The following ELP4 variants were observed in gnomAD, a reference collection of about 807,000 sequenced individuals.
The protein encoded by ELP4 is elongator acetyltransferase complex subunit 4.
A neutral mutation model predicts 48.9 loss-of-function variants in ELP4; 51 were observed. The ratio of observed to expected loss-of-function variants is 1.04; its 90% confidence interval spans 0.83 to 1.32. The LOEUF (loss-of-function observed/expected upper bound fraction) is 1.32. ELP4 is among the 40% of genes most tolerant of loss of function. The pLI, the probability that ELP4 is intolerant of heterozygous loss-of-function variation, is 0.00. For synonymous variants in ELP4, 210 were observed against 189.2 expected, an observed-to-expected ratio of 1.11 and a Z score of -0.90; for missense variants, 519 against 514.6, an observed-to-expected ratio of 1.01 and a Z score of -0.08.
At chr11:31,572,171 A>T (rs1957202633) in intron 3 of ELP4, among the ~76,000 whole-genome samples, 1 of 152,208 alleles carries the variant, frequency 6.6e-6, no homozygotes, top group African/African-American at 2.4e-5. Flanking sequence ...ACTTAGCTAG[A>T]TCTTCTGGAT....
chr11:31,639,377 A>T (rs1945042128), intron 7 of ELP4, among the ~76,000 whole-genome samples: 1 of 151,910 alleles, frequency 6.6e-6, no homozygotes, highest in African/African-American at 2.4e-5. Flanking sequence ...TGTAAACAGA[A>T]TCTGTTTTTC....
At chr11:31,529,386 C>A (rs926113848) in intron 2 of ELP4, among the ~76,000 whole-genome samples, 2 of 152,112 alleles carry the variant, frequency 1.3e-5, no homozygotes, top group Non-Finnish European at 2.9e-5. Flanking sequence ...TCTCCACCAC[C>A]GTCACTGCTG....
At chr11:31,714,127 C>T (rs1013071467) in intron 9 of ELP4, among the ~76,000 whole-genome samples, 1 of 152,018 alleles carries the variant, frequency 6.6e-6, no homozygotes, top group African/African-American at 2.4e-5. Flanking sequence ...GGATGTAAAA[C>T]TGCTTAAGTC....
chr11:31,754,332 T>C lies in ELP4; in HGVS notation c.1144-29061T>C, dbSNP rs185505751. 7.0e-4 allele frequency among the ~76,000 whole-genome samples: 107 copies of C among 152,276 alleles called. 1 individual carries two copies. The highest frequency in any genetic ancestry group is 2.4e-3 in the African/African-American group (100 of 41,560). ...TATTTACTCTGACTTACAAAGCTCC[T>C]GTCTACTCTCACAACTCATTCCCTA... On this transcript the variant is annotated intron_variant, in intron 9 of 9. Coordinates refer to ENST00000640961, the MANE Select transcript of ELP4 (RefSeq NM_019040.5).
chr11:31,572,371 A>C (rs906411743), intron 3 of ELP4, among the ~76,000 whole-genome samples: 8 of 152,228 alleles, frequency 5.3e-5, no homozygotes, highest in African/African-American at 1.9e-4. Context: ...AAATGTAATT[A>C]GACCCTTTGA....
At chr11:31,777,629 A>G (rs898238413) in intron 9 of ELP4, among the ~76,000 whole-genome samples, 16 of 152,152 alleles carry the variant, frequency 1.1e-4, no homozygotes, top group African/African-American at 3.6e-4. Context: ...TTGCAGCTAG[A>G]TGTGGCCATG....
At chr11:31,764,083 T>G (rs1240074705) in intron 9 of ELP4, among the ~76,000 whole-genome samples, 1 of 152,208 alleles carries the variant, frequency 6.6e-6, no homozygotes, top group Non-Finnish European at 1.5e-5. Context: ...TCACTGCAGC[T>G]AAAACAAGGA....
chr11:31,736,874 G>C (rs1189468918), intron 9 of ELP4, among the ~76,000 whole-genome samples: 3 of 152,202 alleles, frequency 2.0e-5, no homozygotes, highest in Admixed American at 6.5e-5. Flanking sequence ...TGGTGGGACT[G>C]TAAACTAGTT....
intron 1 of ELP4, among the ~76,000 whole-genome samples, chr11:31,515,165 A>AGTG (rs1956088881): frequency 6.6e-6 from 1 of 152,038 alleles, no homozygotes; most frequent in Admixed American, 6.6e-5. Flanking sequence ...TATTCCCCAC[A>AGTG]ACTATCCTTC....
In ELP4 at chr11:31,594,782, C is replaced by G; in HGVS notation, c.394C>G (p.Pro132Ala). 1.3e-6 allele frequency: 2 copies of G among 1,520,572 alleles called. No homozygotes were observed. The highest frequency in any genetic ancestry group is 1.8e-6 in the Non-Finnish European group (2 of 1,142,644). 94.2% of individuals were successfully genotyped at this position (1,520,572 alleles called of 1,614,324 possible). ...TTTGTTTTCTTAGGAACTTCCAGCA[C>G]CATTACTTGATGATAAATGTAAAAA... The part of the protein sequence containing the change: ...PANILQELPA[P>A]LLDDKCKKEF... Residue 132 changes from proline (P) to alanine (A), a missense_variant, in exon 4 of 10, where the codon CCA becomes GCA. Physicochemically the swap from Pro to Ala is conservative, Grantham distance 27. Transcript: ENST00000640961.
intron 9 of ELP4, among the ~76,000 whole-genome samples, chr11:31,706,235 C>G (rs941960928): frequency 6.6e-6 from 1 of 151,842 alleles, no homozygotes; most frequent in African/African-American, 2.4e-5. Flanking sequence ...TCATCTCAAA[C>G]GTTTATTATT....
chr11:31,522,155 C>T (rs1218637482), intron 2 of ELP4, among the ~76,000 whole-genome samples: 3 of 151,984 alleles, frequency 2.0e-5, no homozygotes, highest in African/African-American at 4.8e-5. Context: ...GAAAAATAAC[C>T]TGTGATCAAG....
In ELP4 at chr11:31,547,267, G is replaced by A. The variant is rs551469733; in HGVS notation, c.381+7484G>A. Among the ~76,000 whole-genome samples, 1,239 of 151,896 alleles carry A rather than the reference G, an allele frequency of 8.2e-3. 9 individuals are homozygous for A. Among genetic ancestry groups the A allele is most frequent in the Middle Eastern group, 0.017 (5 of 294 alleles). On this transcript the variant is annotated intron_variant, in intron 3 of 9. Coordinates refer to ENST00000640961, the MANE Select transcript of ELP4 (RefSeq NM_019040.5). ...GACTAATAAAGAAAAAAAGAGAGAA[G>A]AATCAAATAGACGCAATAAAAAATG...
chr11:31,639,836 C>T (rs1186595935), intron 7 of ELP4, among the ~76,000 whole-genome samples: 1 of 151,854 alleles, frequency 6.6e-6, no homozygotes, highest in African/African-American at 2.4e-5. Context: ...AAATATTTTT[C>T]CTTTCTCTAA....
intron 3 of ELP4, among the ~76,000 whole-genome samples, chr11:31,594,403 CT>C (rs2133989181): frequency 6.6e-6 from 1 of 152,098 alleles, no homozygotes; most frequent in Non-Finnish European, 1.5e-5. Context: ...TTATTTTTAC[CT>C]TGTGGCCAAC....
At chr11:31,535,646 C>A (rs765675124) in intron 2 of ELP4, among the ~76,000 whole-genome samples, 29 of 152,292 alleles carry the variant, frequency 1.9e-4, no homozygotes, top group South Asian at 4.1e-4. Context: ...GTGCCAAGCA[C>A]ATTTACTTAT....
intron 9 of ELP4, among the ~76,000 whole-genome samples, chr11:31,756,141 TG>T (rs1565142623): frequency 6.6e-6 from 1 of 152,226 alleles, no homozygotes; most frequent in Non-Finnish European, 1.5e-5. Flanking sequence ...CATCTTCACT[TG>T]CCTGGATTGC....
chr11:31,624,290 G>A lies in ELP4; in HGVS notation c.654-2820G>A, dbSNP rs564867689. Among the ~76,000 whole-genome samples the A allele has an allele frequency of 4.6e-5, 7 of 151,806 alleles. No individual in the cohort carries two copies. In the South Asian group the frequency reaches 1.5e-3, roughly 31 times the overall value. ...ATCGAGTGTAATTACACAAATCTAC[G>A]TGGTACAGTCTACATACCTAGGCTC... On this transcript the variant is annotated intron_variant, in intron 5 of 9. Coordinates refer to ENST00000640961, the MANE Select transcript of ELP4 (RefSeq NM_019040.5).
chr11:31,644,652 A>G (rs1409021999), intron 7 of ELP4, among the ~76,000 whole-genome samples: 1 of 151,710 alleles, frequency 6.6e-6, no homozygotes, highest in Non-Finnish European at 1.5e-5. Flanking sequence ...TTCTAAGTAA[A>G]TTCACCTGCT....
Sources: gnomAD v4.1 joint callset for allele counts (sites outside exome capture counted in the v4.1 genomes callset) on GRCh38, gnomAD v4.1.1 for gene constraint, MANE v1.5 for transcripts, NCBI Gene and HGNC (gene_info 2026-07-23, HGNC 2026-07-21) for gene names.